Variants in PSMD1 observed in about 807,000 individuals in gnomAD.
PSMD1 encodes the protein 26S proteasome non-ATPase regulatory subunit 1.
Under a neutral mutation model 119.0 loss-of-function variants are expected in PSMD1, and 18 were observed. The ratio of observed to expected loss-of-function variants is 0.15; its 90% CI spans 0.10 to 0.22. The LOEUF is 0.22. Ranked by LOEUF, PSMD1 falls within the 10% of genes least tolerant of loss-of-function variation. The pLI is 1.00. For missense variants in PSMD1, 702 were observed against 1,158.5 expected (o/e 0.61, Z 5.72); for synonymous variants, 374 against 396.6 (o/e 0.94, Z 0.68).
At position 231,056,995 on chromosome 2, in the gene PSMD1, G is replaced by C. The variant is rs1257798314; in HGVS notation, c.-31G>C. ...ATACACTGCGCAGCTGGAACGGCGA[G>C]CGAGCCGACGGGCGAGTGAGGGGCG... On this transcript the variant is annotated 5_prime_UTR_variant, in exon 1 of 25. Coordinates refer to ENST00000308696, the MANE Select transcript of PSMD1 (RefSeq NM_002807.4). The C allele has an allele frequency of 1.3e-6, 2 of 1,540,160 alleles. No homozygotes were observed. The highest frequency in any genetic ancestry group is 3.9e-5 in the Admixed American group (2 of 50,764).
intron 4 of PSMD1, among the ~76,000 whole-genome samples, chr2:231,063,728 C>T (rs1693819486): frequency 6.6e-6 from 1 of 152,190 alleles, no homozygotes; most frequent in South Asian, 2.1e-4. Context: ...GAACTGATGG[C>T]TTAAAAGGAT....
rs765839595 is a variant in PSMD1 at position 231,138,837 on chromosome 2, G to T, written c.1985G>T (p.Gly662Val). 1 of 1,613,708 alleles carries T rather than the reference G, an allele frequency of 6.2e-7. No individual in the cohort carries two copies. The highest frequency in any genetic ancestry group is 8.5e-7 in the Non-Finnish European group (1 of 1,179,660). Residue 662 changes from glycine to valine, a missense_variant, in exon 17 of 25, where the codon GGT (glycine) becomes GTT (valine). Physicochemically the swap from Gly to Val is moderately radical, Grantham distance 109. Coordinates refer to ENST00000308696, the MANE Select transcript of PSMD1 (RefSeq NM_002807.4). ...ATGGCCTTGGGGATATGCTGTGCTG[G>T]TACAGGAAACAAGGTAAAGCCCACA... ...AAMALGICCA[G>V]TGNKEAINLL... is the part of the protein sequence containing the mutation.
At chr2:231,093,430 G>A (rs552172388) in intron 16 of PSMD1, among the ~76,000 whole-genome samples, 3 of 152,194 alleles carry the variant, frequency 2.0e-5, no homozygotes, top group Admixed American at 6.5e-5. Flanking sequence ...AAGCCGCGTC[G>A]TCCGGGGCTG....
intron 24 of PSMD1, among the ~76,000 whole-genome samples, chr2:231,171,852 G>A (rs891517948): frequency 5.9e-5 from 9 of 151,848 alleles, no homozygotes; most frequent in African/African-American, 9.7e-5. Flanking sequence ...CACCACGCCC[G>A]GCCAATTCAT....
chr2:231,079,276 T>A (rs1694249857), intron 10 of PSMD1, among the ~76,000 whole-genome samples: 1 of 152,182 alleles, frequency 6.6e-6, no homozygotes, highest in Non-Finnish European at 1.5e-5. Flanking sequence ...TATAGGCTCT[T>A]GAAGGAAATA....
rs1418024804 is a variant in PSMD1, at chr2:231,165,034, T to TTTTATATATA, written c.2482-165_2482-164insTTATATATAT. 60 of 21,834 alleles carry TTTTATATATA rather than the reference T, an allele frequency of 2.7e-3. 4 individuals are homozygous for TTTTATATATA. Among genetic ancestry groups the TTTTATATATA allele is most frequent in the Non-Finnish European group, 3.9e-3 (51 of 13,096 alleles). 1.4% of individuals were successfully genotyped at this position (21,834 alleles called of 1,614,324 possible). On this transcript the variant is annotated intron_variant, in intron 21 of 24. Coordinates refer to ENST00000308696, the MANE Select transcript of PSMD1 (RefSeq NM_002807.4). The stretch of plus-strand genomic sequence containing the variant: ...CATTTATTCTTTGATTTATATATAT[T>TTTTATATATA]TATATATATATATATATATATATAT...
chr2:231,069,199 AAGC>A (rs1442424544), intron 5 of PSMD1, among the ~76,000 whole-genome samples: 1 of 152,182 alleles, frequency 6.6e-6, no homozygotes, highest in Non-Finnish European at 1.5e-5. Flanking sequence ...AAAAAAAAAA[AAGC>A]AGAGTAACAA....
At chr2:231,134,486 T>A (rs1485922219) in intron 16 of PSMD1, among the ~76,000 whole-genome samples, 3 of 152,214 alleles carry the variant, frequency 2.0e-5, no homozygotes, top group Non-Finnish European at 1.5e-5. Flanking sequence ...TCAATAAATA[T>A]GACTGACTAG....
At chr2:231,140,204 T>A (rs1313712673) in intron 17 of PSMD1, among the ~76,000 whole-genome samples, 4 of 152,124 alleles carry the variant, frequency 2.6e-5, no homozygotes, top group African/African-American at 9.7e-5. Context: ...TAAAGAATAT[T>A]GGTATTGTGG....
intron 15 of PSMD1, among the ~76,000 whole-genome samples, chr2:231,086,429 G>T (rs866284797): frequency 6.6e-6 from 1 of 152,136 alleles, no homozygotes; most frequent in South Asian, 2.1e-4. Context: ...GGCAGTGGTG[G>T]GCAGATCACC....
At chr2:231,120,334 A>T (rs1217470887) in intron 16 of PSMD1, among the ~76,000 whole-genome samples, 2 of 152,170 alleles carry the variant, frequency 1.3e-5, no homozygotes, top group Non-Finnish European at 2.9e-5. Context: ...TGTCTTTTTT[A>T]TATCAGCATA....
chr2:231,111,667 A>G (rs1358678249), intron 16 of PSMD1, among the ~76,000 whole-genome samples: 2 of 152,212 alleles, frequency 1.3e-5, no homozygotes, highest in Non-Finnish European at 2.9e-5. Flanking sequence ...GATCGGTTCT[A>G]CAAGACAAAG....
chr2:231,079,730 A>G (rs1321425838), intron 11 of PSMD1, 116 bp downstream of exon 11: 1 of 623,056 alleles, frequency 1.6e-6, no homozygotes, highest in Non-Finnish European at 2.6e-6. Context: ...TAAGTCAGAT[A>G]AGTCATTTTG....
intron 16 of PSMD1, among the ~76,000 whole-genome samples, chr2:231,107,432 A>C (rs1307151812): frequency 1.3e-5 from 2 of 152,236 alleles, no homozygotes; most frequent in Non-Finnish European, 2.9e-5. Flanking sequence ...CCCTTAGTCT[A>C]AATTTGCACT....
At chr2:231,148,102 T>G (rs919784143) in intron 18 of PSMD1, among the ~76,000 whole-genome samples, 2 of 152,200 alleles carry the variant, frequency 1.3e-5, no homozygotes, top group African/African-American at 4.8e-5. Flanking sequence ...ATACTACATC[T>G]TCTAGAACAT....
chr2:231,153,600 A>G lies in PSMD1; in HGVS notation c.2152A>G (p.Asn718Asp). 1 of 1,613,986 alleles carries G rather than the reference A, an allele frequency of 6.2e-7. No individual in the cohort carries two copies. Among genetic ancestry groups the G allele is most frequent in the Non-Finnish European group, 8.5e-7 (1 of 1,179,886 alleles). ...QFRQLYSKVINDKHDDVMAKF... is the reference protein window; with the variant it reads ...QFRQLYSKVIDDKHDDVMAKF... ...CAGACAGCTGTATTCCAAAGTCATCAATGATAAGCATGATGATGTCATGGC... is the reference window on the plus strand; with the variant it reads ...CAGACAGCTGTATTCCAAAGTCATCGATGATAAGCATGATGATGTCATGGC... The change falls in exon 19 of 25, where the codon AAT becomes GAT. Residue 718 changes from asparagine (N) to aspartate (D), a missense_variant. By Grantham distance (23) the Asn-to-Asp change is conservative. Around this residue, in one of 9 missense-constraint regions of PSMD1, gnomAD observed 272 missense variants for 511.6 expected, o/e 0.53. Transcript: ENST00000308696.
intron 17 of PSMD1, among the ~76,000 whole-genome samples, chr2:231,139,319 T>C (rs1358411734): frequency 5.7e-4 from 80 of 141,388 alleles, no homozygotes; most frequent in Non-Finnish European, 8.3e-4. Context: ...TCTTTCTTTT[T>C]TTTTTTTTTT....
chr2:231,123,513 C>T (rs1695622844), intron 16 of PSMD1: 1 of 1,613,920 alleles, frequency 6.2e-7, no homozygotes, highest in South Asian at 1.1e-5. Flanking sequence ...CATACTGCAG[C>T]TTCTTCTCCA....
At chr2:231,115,283 G>A (rs1474979031) in intron 16 of PSMD1, among the ~76,000 whole-genome samples, 1 of 151,982 alleles carries the variant, frequency 6.6e-6, no homozygotes, top group Non-Finnish European at 1.5e-5. Flanking sequence ...TTAAAGTCAG[G>A]TAGGATTTCA....
Sources: gnomAD v4.1 joint callset for allele counts (sites outside exome capture counted in the v4.1 genomes callset) on GRCh38, gnomAD v4.1.1 for gene constraint, gnomAD v4.1.1 regional missense constraint, MANE v1.5 for transcripts, NCBI Gene and HGNC (gene_info 2026-07-23, HGNC 2026-07-21) for gene names.